Variants in GRID2IP observed in about 807,000 individuals in gnomAD.
The protein encoded by GRID2IP is Grid2 interacting protein, also known as delphilin.
Under a neutral mutation model 114.3 loss-of-function variants are expected in GRID2IP, and 78 were observed. The observed-to-expected ratio is 0.68, with a 90% CI of 0.57 to 0.82. The LOEUF (loss-of-function observed/expected upper bound fraction) is 0.82. Among genes scored for constraint, GRID2IP ranks in the 40% least tolerant of loss-of-function variants. The probability of loss-of-function intolerance (pLI) is 0.00; values close to 1 mark genes in which losing one functional copy is unlikely to be tolerated. For missense variants in GRID2IP, 1,727 were observed against 1,678.5 expected (o/e 1.03, Z -0.51); for synonymous variants, 809 against 724.0 (o/e 1.12, Z -1.89).
At position 6,534,091 on chromosome 7, in the gene GRID2IP, G is replaced by A. The variant is rs1472433546; in HGVS notation, c.584+5627C>T. Among the ~76,000 whole-genome samples, 1 of 152,056 alleles carries A rather than the reference G, an allele frequency of 6.6e-6. No homozygotes were observed. Among genetic ancestry groups the A allele is most frequent in the Non-Finnish European group, 1.5e-5 (1 of 68,030 alleles). ...TCAGTTGGCCAAGTTCATTTACATGGTTTCCTACCAAGAACCCTGCTGAGA... is the reference window on the plus strand; with the variant it reads ...TCAGTTGGCCAAGTTCATTTACATGATTTCCTACCAAGAACCCTGCTGAGA... On this transcript the variant is annotated intron_variant, in intron 2 of 21. Transcript: ENST00000457091. The surrounding 1 kb of genome is among the most constrained non-coding windows in gnomAD (Gnocchi z 4.5).
intron 15 of GRID2IP, among the ~76,000 whole-genome samples, chr7:6,504,273 G>T (rs1361848854): frequency 6.6e-6 from 1 of 150,658 alleles, no homozygotes; most frequent in Non-Finnish European, 1.5e-5. Flanking sequence ...TTGAGTTCGA[G>T]CGGGGGGAGA....
chr7:6,509,149 C>T lies in GRID2IP; in HGVS notation c.1936G>A (p.Gly646Arg), dbSNP rs746640288. ...SRAPSPQPGP[G>R]PICPDSPPSP... The stretch of plus-strand genomic sequence containing the variant: ...GGGGGGCTGTCGGGGCAGATGGGCC[C>T]GGGGCCTGGCTGTGGGGAGGGTGCC... The change falls in exon 12 of 22, where the codon GGG becomes AGG. Residue 646 changes from glycine (G) to arginine (R), a missense_variant. Coordinates refer to ENST00000457091, the MANE Select transcript of GRID2IP (RefSeq NM_001145118.2). The surrounding 1 kb of genome is among the most constrained non-coding windows in gnomAD (Gnocchi z 4.9). 28 of 1,468,094 alleles carry T rather than the reference C, an allele frequency of 1.9e-5. No individual in the cohort carries two copies. The highest frequency in any genetic ancestry group is 2.8e-5 in the African/African-American group (2 of 70,608). 90.9% of individuals were successfully genotyped at this position (1,468,094 alleles called of 1,614,324 possible). A position where few individuals can be genotyped will look rare whatever the true frequency, so the allele number is the denominator to read the frequency against.
chr7:6,544,669 A>G (rs988165114), intron 1 of GRID2IP, among the ~76,000 whole-genome samples: 3 of 152,198 alleles, frequency 2.0e-5, no homozygotes, highest in African/African-American at 7.2e-5. Context: ...ATAAATAACA[A>G]GCTGGGCACA....
chr7:6,504,684 G>C, intron 15 of GRID2IP, 109 bp downstream of exon 15: 1 of 835,184 alleles, frequency 1.2e-6, no homozygotes, highest in Non-Finnish European at 1.9e-6. Context: ...AGCGACAGGA[G>C]GCCGGGTCCC....
At position 6,521,454 on chromosome 7, in the gene GRID2IP, C is replaced by G; in HGVS notation, c.1059G>C (p.Glu353Asp). 1 of 1,548,848 alleles carries G rather than the reference C, an allele frequency of 6.5e-7. No homozygotes were observed. The highest frequency in any genetic ancestry group is 8.7e-7 in the Non-Finnish European group (1 of 1,145,610). Residue 353 changes from glutamate (E) to aspartate (D), a missense_variant, in exon 6 of 22, where the codon GAG (glutamate) becomes GAC (aspartate). Transcript: ENST00000457091. The surrounding 1 kb of genome is among the most constrained non-coding windows in gnomAD (Gnocchi z 4.1). Reference sequence around the variant, plus strand: ...CACTGGCAAATGGGACGAGCCCTTCCTCCACCACCAGCGTGGGCATGGCAC... The same window carrying G: ...CACTGGCAAATGGGACGAGCCCTTCGTCCACCACCAGCGTGGGCATGGCAC... ...GSGAMPTLVVEEGLVPFASDS... is the reference protein window; with the variant it reads ...GSGAMPTLVVDEGLVPFASDS...
chr7:6,525,119 A>G (rs1779485141), intron 4 of GRID2IP, among the ~76,000 whole-genome samples: 1 of 152,114 alleles, frequency 6.6e-6, no homozygotes, highest in Middle Eastern at 3.4e-3. Flanking sequence ...AGCCTGGCCA[A>G]CATGACGAAG....
At chr7:6,511,117 G>C in intron 8 of GRID2IP, 78 bp from the exon 9 acceptor site, 1 of 1,318,534 alleles carries the variant, frequency 7.6e-7, no homozygotes, top group Non-Finnish European at 9.7e-7. Context: ...GGAGGGGAGG[G>C]CAGATGTCAT....
chr7:6,510,591 G>A lies in GRID2IP; in HGVS notation c.1653+18C>T. 5.9e-6 allele frequency: 9 copies of A among 1,517,086 alleles called. No individual in the cohort carries two copies. In the Admixed American group the frequency reaches 1.8e-4, roughly 31 times the overall value. 94.0% of individuals were successfully genotyped at this position (1,517,086 alleles called of 1,614,324 possible). A position where few individuals can be genotyped will look rare whatever the true frequency, so the allele number is the denominator to read the frequency against. On this transcript the variant is annotated intron_variant, in intron 10 of 21. Coordinates refer to ENST00000457091, the MANE Select transcript of GRID2IP (RefSeq NM_001145118.2). ...CTGCCCCCTACTGACCCCACGTGGA[G>A]GGCAGAGAAGGTCTCACCATCTTGG...
In GRID2IP at chr7:6,522,012, A is replaced by C; in HGVS notation, c.920-55T>G. 10 of 1,367,044 alleles carry C rather than the reference A, an allele frequency of 7.3e-6. No homozygotes were observed. In the South Asian group the frequency reaches 1.2e-4, roughly 17 times the overall value. 84.7% of individuals were successfully genotyped at this position (1,367,044 alleles called of 1,614,324 possible). ...CAGCTGGGCAGGGTACCACTTTGAG[A>C]GCAGGATGCTATCCTGTTTTACAGG... On this transcript the variant is annotated intron_variant, in intron 4 of 21. Transcript: ENST00000457091.
At position 6,508,953 on chromosome 7, in the gene GRID2IP, C is replaced by T; in HGVS notation, c.2127+5G>A. 1 of 1,544,464 alleles carries T rather than the reference C, an allele frequency of 6.5e-7. No individual in the cohort carries two copies. The highest frequency in any genetic ancestry group is 8.7e-7 in the Non-Finnish European group (1 of 1,146,092). ...GCCTCCCTCCACACCTGCTTGCGTGCCCACCTCCTCGTAGTCGTTCTCCGG... is the reference window on the plus strand; with the variant it reads ...GCCTCCCTCCACACCTGCTTGCGTGTCCACCTCCTCGTAGTCGTTCTCCGG... On this transcript the variant is annotated splice_donor_5th_base_variant and intron_variant, in intron 12 of 21. Transcript: ENST00000457091. This position sits in a 1 kb window ranked among gnomAD's most constrained non-coding sequence, Gnocchi z 5.6.
intron 2 of GRID2IP, among the ~76,000 whole-genome samples, chr7:6,535,148 G>C (rs1259094851): frequency 6.6e-6 from 1 of 152,138 alleles, no homozygotes; most frequent in Non-Finnish European, 1.5e-5. Flanking sequence ...GCCTCCCAAA[G>C]TGCTGGGATT....
At chr7:6,505,148 GA>G (rs1168396592) in intron 14 of GRID2IP, among the ~76,000 whole-genome samples, 6 of 152,164 alleles carry the variant, frequency 3.9e-5, no homozygotes, top group Admixed American at 3.9e-4. Context: ...CAACGACAGG[GA>G]GATACCCAGG....
chr7:6,531,892 G>A (rs1439873509), intron 2 of GRID2IP, among the ~76,000 whole-genome samples: 1 of 152,228 alleles, frequency 6.6e-6, no homozygotes, highest in Non-Finnish European at 1.5e-5. Context: ...AAAACACAGA[G>A]GAGGTGGAGT....
intron 1 of GRID2IP, among the ~76,000 whole-genome samples, chr7:6,548,277 C>T (rs548420038): frequency 1.3e-5 from 2 of 151,962 alleles, no homozygotes; most frequent in South Asian, 2.1e-4. Context: ...TGCTTAAACC[C>T]GGGAGGCGGA....
intron 7 of GRID2IP, among the ~76,000 whole-genome samples, chr7:6,517,816 A>G (rs1296164576): frequency 6.6e-6 from 1 of 151,968 alleles, no homozygotes; most frequent in East Asian, 1.9e-4. Flanking sequence ...GGCAGGAGAC[A>G]CACTTGAACC....
intron 1 of GRID2IP, among the ~76,000 whole-genome samples, chr7:6,550,386 T>G (rs982339250): frequency 6.6e-6 from 1 of 152,142 alleles, no homozygotes; most frequent in African/African-American, 2.4e-5. Flanking sequence ...ATCTATATCC[T>G]ATTATTTTAT....
Position 6,526,806 on chromosome 7 carries a change from G to T in GRID2IP, c.585-37C>A. ...GACGGCGGAGTCGGGGCGCGTTCCC[G>T]GACCCCGGATCTCTGCAAACCGCGG... On this transcript the variant is annotated intron_variant, in intron 2 of 21. Transcript: ENST00000457091. This position sits in a 1 kb window ranked among gnomAD's most constrained non-coding sequence, Gnocchi z 7.6. 1 of 1,471,994 alleles carries T rather than the reference G, an allele frequency of 6.8e-7. No homozygotes were observed. Among genetic ancestry groups the T allele is most frequent in the Admixed American group, 2.4e-5 (1 of 42,062 alleles). 91.2% of individuals were successfully genotyped at this position (1,471,994 alleles called of 1,614,324 possible). A position where few individuals can be genotyped will look rare whatever the true frequency, so the allele number is the denominator to read the frequency against.
chr7:6,545,897 A>G (rs1779880564), intron 1 of GRID2IP, among the ~76,000 whole-genome samples: 1 of 152,168 alleles, frequency 6.6e-6, no homozygotes, highest in Non-Finnish European at 1.5e-5. Flanking sequence ...TGGAAATCAA[A>G]GTCAGCAGCA....
Position 6,551,219 on chromosome 7 carries a change from G to C in GRID2IP, c.218C>G (p.Pro73Arg). 6.6e-7 allele frequency: 1 copy of C among 1,517,096 alleles called. No homozygotes were observed. The allele number at this position is 1,517,096 out of a possible 1,614,324, so 94.0% of individuals were successfully genotyped here. A position where few individuals can be genotyped will look rare whatever the true frequency, so the allele number is the denominator to read the frequency against. ...CACGCCCAGACTGGGCGGCACACGT[G>C]GGCAGCGCCGTGCCAGGCGCACGAG... ...ERLVRLARRC[P>R]RVPPSLGVLP... Residue 73 changes from proline to arginine, a missense_variant, in exon 1 of 22, where the codon CCA (proline) becomes CGA (arginine). Pro to Arg is a moderately radical substitution (Grantham distance 103, BLOSUM62 -2). Coordinates refer to ENST00000457091, the MANE Select transcript of GRID2IP (RefSeq NM_001145118.2).
Sources: allele counts gnomAD v4.1 joint callset (sites outside exome capture counted in the v4.1 genomes callset), GRCh38; gene constraint gnomAD v4.1.1; non-coding constraint Gnocchi (gnomAD v3.1); transcripts MANE v1.5; gene names NCBI Gene and HGNC (gene_info 2026-07-23, HGNC 2026-07-21).